The following PCDHGB2 variants were observed in gnomAD, a reference collection of about 807,000 sequenced individuals.
The protein encoded by PCDHGB2 is protocadherin gamma-B2.
A neutral mutation model predicts 59.3 loss-of-function variants in PCDHGB2; 55 were observed. That is an observed-to-expected ratio of 0.93 (90% CI 0.75 to 1.16). The LOEUF (loss-of-function observed/expected upper bound fraction) is 1.16. PCDHGB2 is among the 50% of genes most tolerant of loss of function. The pLI, the probability that PCDHGB2 is intolerant of heterozygous loss-of-function variation, is 0.00. For missense variants in PCDHGB2, 1,228 were observed against 1,198.5 expected (o/e 1.02, Z -0.36); for synonymous variants, 516 against 512.0 (o/e 1.01, Z -0.11).
At chr5:141,408,780 A>G (rs1304526612) in intron 1 of PCDHGB2, 1 of 1,612,372 alleles carries the variant, frequency 6.2e-7, no homozygotes, top group Non-Finnish European at 8.5e-7. Flanking sequence ...AAATACCCAG[A>G]GTTATCTCTG....
intron 1 of PCDHGB2, chr5:141,424,773 T>C (rs1398493027): frequency 6.6e-6 from 1 of 152,206 alleles, no homozygotes; most frequent in African/African-American, 2.4e-5. Flanking sequence ...TGGCAAATAG[T>C]ACATTCAGTT....
At chr5:141,414,279 A>C in intron 1 of PCDHGB2, 1 of 1,613,350 alleles carries the variant, frequency 6.2e-7, no homozygotes, top group Non-Finnish European at 8.5e-7. Flanking sequence ...CTCTGGGAAC[A>C]GTCGTAGCCC....
At chr5:141,442,403 G>A (rs1042068651) in intron 1 of PCDHGB2, 2 of 152,168 alleles carry the variant, frequency 1.3e-5, no homozygotes, top group African/African-American at 4.8e-5. Context: ...TACGAATCCA[G>A]GGCTGAGTGA....
In PCDHGB2 at chr5:141,394,482, G is replaced by T. The variant is rs751618237; in HGVS notation, c.2421+31926G>T. On this transcript the variant is annotated intron_variant, in intron 1 of 3. Coordinates refer to ENST00000522605, the MANE Select transcript of PCDHGB2 (RefSeq NM_018923.3). ...GAGCCTGTTCGTGCTGGACCAGAAT[G>T]ACAACGCGCCCGAGATCCTGTACCC... 8 of 1,614,122 alleles carry T rather than the reference G, an allele frequency of 5.0e-6. No homozygotes were observed. The African/African-American group carries it at 1.1e-4, about 22-fold the overall frequency.
rs373421472 is a variant in PCDHGB2, at chr5:141,472,201, A to G, written c.2422-22606A>G. ...GTATTGGAATTTGAATCTTTTTGAC[A>G]CTAAGACCTTACTCTCGATCATATA... is the stretch of plus-strand genomic sequence containing the variant. On this transcript the variant is annotated intron_variant, in intron 1 of 3. Coordinates refer to ENST00000522605, the MANE Select transcript of PCDHGB2 (RefSeq NM_018923.3). Among the ~76,000 whole-genome samples the G allele has an allele frequency of 5.6e-4, 86 of 152,320 alleles. 2 individuals are homozygous for G. The South Asian group carries it at 0.017, about 30-fold the overall frequency.
intron 1 of PCDHGB2, among the ~76,000 whole-genome samples, chr5:141,439,635 C>T (rs1326926948): frequency 3.3e-5 from 5 of 152,274 alleles, no homozygotes; most frequent in Middle Eastern, 3.4e-3. Context: ...CCAGACATTC[C>T]GGCTTGGTGG....
At chr5:141,501,550 A>G (rs1251701030) in intron 2 of PCDHGB2, among the ~76,000 whole-genome samples, 3 of 152,078 alleles carry the variant, frequency 2.0e-5, no homozygotes, top group Non-Finnish European at 4.4e-5. Flanking sequence ...ATAAGATCAT[A>G]GGCCCTGGAA....
intron 1 of PCDHGB2, chr5:141,389,258 C>G: frequency 6.2e-7 from 1 of 1,614,022 alleles, no homozygotes; most frequent in Non-Finnish European, 8.5e-7. Context: ...ATATAGTCCA[C>G]GTGGCCGAGA....
chr5:141,379,268 T>C (rs1775481611), intron 1 of PCDHGB2: 1 of 152,258 alleles, frequency 6.6e-6, no homozygotes, highest in Non-Finnish European at 1.5e-5. Flanking sequence ...GGAATTGTTA[T>C]AGATTTATTT....
At chr5:141,468,841 G>C (rs1189145481) in intron 1 of PCDHGB2, among the ~76,000 whole-genome samples, 3 of 152,014 alleles carry the variant, frequency 2.0e-5, no homozygotes, top group Non-Finnish European at 4.4e-5. Flanking sequence ...ACTCCAGCCT[G>C]GGCAACAGAG....
intron 1 of PCDHGB2, among the ~76,000 whole-genome samples, chr5:141,445,458 A>G (rs1427391084): frequency 6.6e-6 from 1 of 152,248 alleles, no homozygotes; most frequent in Non-Finnish European, 1.5e-5. Flanking sequence ...TGCAGCAATG[A>G]ACAAGGCATA....
At chr5:141,422,880 G>T in intron 1 of PCDHGB2, 1 of 1,614,258 alleles carries the variant, frequency 6.2e-7, no homozygotes, top group East Asian at 2.2e-5. Flanking sequence ...CGCTGAGCCT[G>T]TTCGTGCTGG....
intron 1 of PCDHGB2, chr5:141,393,882 T>G (rs1471060639): frequency 6.2e-7 from 1 of 1,614,028 alleles, no homozygotes; most frequent in South Asian, 1.1e-5. Flanking sequence ...TAGCCCAGTG[T>G]TAGAAAATTC....
chr5:141,414,866 C>G (rs1413236073), intron 1 of PCDHGB2: 1 of 1,614,230 alleles, frequency 6.2e-7, no homozygotes, highest in Non-Finnish European at 8.5e-7. Flanking sequence ...GACAATGCGC[C>G]CGAGATCCTG....
intron 1 of PCDHGB2, chr5:141,421,708 C>T (rs2096594348): frequency 1.9e-6 from 3 of 1,613,780 alleles, no homozygotes; most frequent in South Asian, 2.2e-5. Flanking sequence ...TGCTAGGGAT[C>T]CAGATGTGGG....
At chr5:141,364,902 A>T (rs781602444) in intron 1 of PCDHGB2, 8 of 1,614,032 alleles carry the variant, frequency 5.0e-6, no homozygotes, top group Non-Finnish European at 6.8e-6. Flanking sequence ...GGACAAAAGT[A>T]TCCGGAGCTG....
rs756833632 is a variant in PCDHGB2, at chr5:141,393,904, CA to C, written c.2421+31349del. Reference sequence around the variant, plus strand: ...GTGTTAGAAAATTCTCTTCCCGGGACAGTAATTGCCTTCTTGAGTGTGCATG... The same window carrying C: ...GTGTTAGAAAATTCTCTTCCCGGGACGTAATTGCCTTCTTGAGTGTGCATG... On this transcript the variant is annotated intron_variant, in intron 1 of 3. Transcript: ENST00000522605. The C allele has an allele frequency of 1.9e-6, 3 of 1,613,918 alleles. No individual in the cohort carries two copies. In the East Asian group the frequency reaches 6.7e-5, roughly 36 times the overall value.
Position 141,361,168 on chromosome 5 carries a change from C to T in PCDHGB2, c.1033C>T (p.Pro345Ser). The change falls in exon 1 of 4, where the codon CCT (proline) becomes TCT (serine). Residue 345 changes from proline (P) to serine (S), a missense_variant. This residue lies in a region of PCDHGB2 where 781 missense variants were observed against 721.6 expected (regional missense o/e 1.08). Transcript: ENST00000522605. ...VEILDDNDCA[P>S]EVIVTSVSTP... ...AATTCTTGATGACAACGATTGTGCA[C>T]CTGAAGTTATTGTGACTTCAGTATC... 1.2e-6 allele frequency: 2 copies of T among 1,613,906 alleles called. No individual in the cohort carries two copies. Among genetic ancestry groups the T allele is most frequent in the Non-Finnish European group, 1.7e-6 (2 of 1,179,888 alleles).
intron 1 of PCDHGB2, among the ~76,000 whole-genome samples, chr5:141,465,911 A>G (rs540115471): frequency 6.6e-6 from 1 of 152,260 alleles, no homozygotes; most frequent in East Asian, 1.9e-4. Context: ...TCACGAGGTC[A>G]GGATTTCGAG....
Sources: allele counts gnomAD v4.1 joint callset (sites outside exome capture counted in the v4.1 genomes callset), GRCh38; gene constraint gnomAD v4.1.1; regional missense constraint gnomAD v4.1.1; transcripts MANE v1.5; gene names NCBI Gene and HGNC (gene_info 2026-07-23, HGNC 2026-07-21).